Variants in MAP3K1 observed in about 807,000 individuals in gnomAD.
MAP3K1 encodes mitogen-activated protein kinase kinase kinase 1, also known as MAP/ERK kinase kinase 1.
A neutral mutation model predicts 144.2 loss-of-function variants in MAP3K1; 36 were observed. The ratio of observed to expected loss-of-function variants is 0.25; its 90% confidence interval spans 0.19 to 0.33. The LOEUF is 0.33. Ranked by LOEUF, MAP3K1 falls within the 10% of genes least tolerant of loss-of-function variation. The pLI, the probability that MAP3K1 is intolerant of heterozygous loss-of-function variation, is 1.00. For missense variants in MAP3K1, 1,650 were observed against 1,881.9 expected, an observed-to-expected ratio of 0.88 and a Z score of 2.28; for synonymous variants, 718 against 688.7, an observed-to-expected ratio of 1.04 and a Z score of -0.67.
At chr5:56,875,334 A>G in intron 10 of MAP3K1, 24 bp downstream of exon 10, 1 of 1,612,390 alleles carries the variant, frequency 6.2e-7, no homozygotes, top group Non-Finnish European at 8.5e-7. Flanking sequence ...TTCCATAATC[A>G]TATCATTATG....
At chr5:56,822,801 A>G (rs968130369) in intron 1 of MAP3K1, among the ~76,000 whole-genome samples, 2 of 152,172 alleles carry the variant, frequency 1.3e-5, no homozygotes, top group African/African-American at 2.4e-5. Flanking sequence ...CAAATTAAAG[A>G]TCTTCCCTAA....
Position 56,816,770 on chromosome 5 carries a change from G to A in MAP3K1, c.482+715G>A, listed in dbSNP as rs1581200268. Among the ~76,000 whole-genome samples the A allele has an allele frequency of 5.3e-5, 8 of 152,334 alleles. No individual in the cohort carries two copies. In the South Asian group the frequency reaches 1.7e-3, roughly 32 times the overall value. On this transcript the variant is annotated intron_variant, in intron 1 of 19. Coordinates refer to ENST00000399503, the MANE Select transcript of MAP3K1 (RefSeq NM_005921.2). ...GGCTTGCAGTCTTTTAGGAAGTGCG[G>A]TTTGTCTAATTGCAGCCCCCAAGGG...
chr5:56,892,967 CTTTTT>C lies in MAP3K1; in HGVS notation c.4390-559_4390-555del, dbSNP rs61590040. The stretch of plus-strand genomic sequence containing the variant: ...CTACAAATAAGACCAAATAAAATTT[CTTTTT>C]TTTTAAAAAAAAAGTATTCAGACTT... On this transcript the variant is annotated intron_variant, in intron 19 of 19. Coordinates refer to ENST00000399503, the MANE Select transcript of MAP3K1 (RefSeq NM_005921.2). Among the ~76,000 whole-genome samples, 853 of 150,374 alleles carry C rather than the reference CTTTTT, an allele frequency of 5.7e-3. 5 individuals carry two copies. The highest frequency in any genetic ancestry group is 7.5e-3 in the Non-Finnish European group (505 of 67,558).
Position 56,883,633 on chromosome 5 carries a change from A to T in MAP3K1, c.3773A>T (p.Tyr1258Phe), listed in dbSNP as rs1203514508. ...QIGLGAFSSC[Y>F]QAQDVGTGTL... is the part of the protein sequence containing the mutation. ...GGCCTTGGAGCATTTTCTTCTTGTT[A>T]TCAGGCTCAAGATGTGGGAACTGGA... Residue 1258 changes from tyrosine (Y) to phenylalanine (F), a missense_variant, in exon 15 of 20, where the codon TAT becomes TTT. By Grantham distance (22) the Tyr-to-Phe change is conservative. Coordinates refer to ENST00000399503, the MANE Select transcript of MAP3K1 (RefSeq NM_005921.2). The T allele has an allele frequency of 6.2e-7, 1 of 1,614,036 alleles. No individual in the cohort carries two copies. Among genetic ancestry groups the T allele is most frequent in the African/African-American group, 1.3e-5 (1 of 74,936 alleles).
At chr5:56,884,908 T>C (rs1455334163) in intron 16 of MAP3K1, 82 bp downstream of exon 16, 1 of 1,289,480 alleles carries the variant, frequency 7.8e-7, no homozygotes, top group African/African-American at 1.5e-5. Context: ...TTAATTAAAA[T>C]TTATTTCTAT....
At chr5:56,878,743 A>G (rs372330778) in intron 10 of MAP3K1, among the ~76,000 whole-genome samples, 33 of 152,254 alleles carry the variant, frequency 2.2e-4, no homozygotes, top group African/African-American at 7.9e-4. Context: ...TCATCTTGAA[A>G]TGAATTCAGA....
intron 6 of MAP3K1, among the ~76,000 whole-genome samples, chr5:56,869,498 AT>A (rs1747786487): frequency 6.6e-6 from 1 of 152,100 alleles, no homozygotes; most frequent in African/African-American, 2.4e-5. Context: ...AAAAAAAAGA[AT>A]TATGTATATG....
In MAP3K1 at chr5:56,887,424, A is replaced by G; in HGVS notation, c.4161A>G (p.Ala1387=). The G allele has an allele frequency of 6.2e-7, 1 of 1,614,204 alleles. No homozygotes were observed. The highest frequency in any genetic ancestry group is 8.5e-7 in the Non-Finnish European group (1 of 1,180,028). ...GCACTGGTCAGAGACTAAGAATTGC[A>G]GATTTTGGAGCTGCAGCCAGGTTGG... The part of the protein sequence containing the change: ...IDSTGQRLRI[A]DFGAAARLAS... The change falls in exon 18 of 20, where the codon GCA becomes GCG. Residue 1387 remains alanine (A), a synonymous_variant. Coordinates refer to ENST00000399503, the MANE Select transcript of MAP3K1 (RefSeq NM_005921.2).
At chr5:56,821,760 C>T (rs1459841047) in intron 1 of MAP3K1, among the ~76,000 whole-genome samples, 1 of 152,142 alleles carries the variant, frequency 6.6e-6, no homozygotes, top group Non-Finnish European at 1.5e-5. Context: ...TTATGGTATT[C>T]TGAATACTAA....
chr5:56,885,457 A>G (rs1748352637), intron 16 of MAP3K1, among the ~76,000 whole-genome samples: 2 of 152,346 alleles, frequency 1.3e-5, no homozygotes, highest in South Asian at 2.1e-4. Context: ...GTTGACTACT[A>G]TAAACACTTT....
intron 16 of MAP3K1, among the ~76,000 whole-genome samples, chr5:56,885,195 TTAC>T (rs1339061955): frequency 6.6e-6 from 1 of 152,196 alleles, no homozygotes; most frequent in South Asian, 2.1e-4. Flanking sequence ...ACTTGAAAAC[TTAC>T]TACAAGTAAA....
intron 1 of MAP3K1, among the ~76,000 whole-genome samples, chr5:56,835,002 G>C (rs1380178304): frequency 6.6e-6 from 1 of 152,044 alleles, no homozygotes; most frequent in Non-Finnish European, 1.5e-5. Flanking sequence ...CCACCTGCAG[G>C]CTTGAAGTTT....
At chr5:56,830,210 AT>A (rs1458628373) in intron 1 of MAP3K1, among the ~76,000 whole-genome samples, 7 of 152,186 alleles carry the variant, frequency 4.6e-5, no homozygotes, top group Non-Finnish European at 1.5e-5. Context: ...ATACCGATAG[AT>A]GTCACAGATT....
At chr5:56,822,903 C>T (rs1746196954) in intron 1 of MAP3K1, among the ~76,000 whole-genome samples, 1 of 152,170 alleles carries the variant, frequency 6.6e-6, no homozygotes, top group Non-Finnish European at 1.5e-5. Flanking sequence ...TCGTCAGATT[C>T]AGACCATCCT....
At chr5:56,852,699 A>G (rs1579745710) in intron 1 of MAP3K1, among the ~76,000 whole-genome samples, 1 of 152,176 alleles carries the variant, frequency 6.6e-6, no homozygotes, top group South Asian at 2.1e-4. Context: ...ACTATTATTT[A>G]AAATAGGTAT....
intron 1 of MAP3K1, among the ~76,000 whole-genome samples, chr5:56,838,922 G>T (rs1375649469): frequency 6.6e-6 from 1 of 152,220 alleles, no homozygotes; most frequent in Non-Finnish European, 1.5e-5. Flanking sequence ...TTTGAGCTAG[G>T]AGCAAATGGC....
chr5:56,871,886 A>G lies in MAP3K1; in HGVS notation c.1302-24A>G, dbSNP rs188546497. On this transcript the variant is annotated intron_variant, in intron 6 of 19. Coordinates refer to ENST00000399503, the MANE Select transcript of MAP3K1 (RefSeq NM_005921.2). ...TACTTTATATTCTTTTATGCTTAATACTTTTTCTTCCCCTTTTCTATAGCA... is the reference window on the plus strand; with the variant it reads ...TACTTTATATTCTTTTATGCTTAATGCTTTTTCTTCCCCTTTTCTATAGCA... The G allele has an allele frequency of 6.6e-5, 106 of 1,611,704 alleles. No homozygotes were observed. The African/African-American group carries it at 1.1e-3, about 17-fold the overall frequency.
intron 1 of MAP3K1, among the ~76,000 whole-genome samples, chr5:56,818,849 A>G (rs138472519): frequency 5.0e-4 from 76 of 152,320 alleles, no homozygotes; most frequent in Admixed American, 2.9e-3. Context: ...AACTAAAGGT[A>G]TTTCACAGGC....
At chr5:56,885,848 C>A in intron 16 of MAP3K1, 84 bp from the exon 17 acceptor site, 1 of 1,086,670 alleles carries the variant, frequency 9.2e-7, no homozygotes, top group Non-Finnish European at 1.4e-6. Context: ...TGAGTTCATG[C>A]AGTGAAAACT....
Sources: gnomAD v4.1 joint callset for allele counts (sites outside exome capture counted in the v4.1 genomes callset) on GRCh38, gnomAD v4.1.1 for gene constraint, MANE v1.5 for transcripts, NCBI Gene and HGNC (gene_info 2026-07-23, HGNC 2026-07-21) for gene names.